The following FADS3 variants were observed in gnomAD, a reference collection of about 807,000 sequenced individuals.
FADS3 encodes the protein cytochrome b5-related protein.
Under a neutral mutation model 60.4 loss-of-function variants are expected in FADS3, and 30 were observed. That is an observed-to-expected ratio of 0.50 (90% CI 0.37 to 0.67). The LOEUF (loss-of-function observed/expected upper bound fraction) is 0.67, where lower values mean the gene tolerates loss of function less well. Among genes scored for constraint, FADS3 ranks in the 30% least tolerant of loss-of-function variants. The pLI is 0.00. For missense variants in FADS3, 432 were observed against 598.3 expected (o/e 0.72, Z 2.90); for synonymous variants, 234 against 249.3 (o/e 0.94, Z 0.58).
chr11:61,876,850 C>T lies in FADS3; in HGVS notation c.983+16G>A. The T allele has an allele frequency of 1.3e-6, 2 of 1,591,896 alleles. No individual in the cohort carries two copies. Among genetic ancestry groups the T allele is most frequent in the Non-Finnish European group, 1.7e-6 (2 of 1,168,668 alleles). The stretch of plus-strand genomic sequence containing the variant: ...CACCTGTCGCCTGTGTGTGACCTCG[C>T]CACTCCCTGCCATACCTGACAGCAA... On this transcript the variant is annotated intron_variant, in intron 8 of 11. Transcript: ENST00000278829. The surrounding 1 kb of genome is among the most constrained non-coding windows in gnomAD (Gnocchi z 5.7).
At chr11:61,883,515 T>C (rs139296683) in intron 1 of FADS3, among the ~76,000 whole-genome samples, 1 of 152,262 alleles carries the variant, frequency 6.6e-6, no homozygotes, top group Non-Finnish European at 1.5e-5. Context: ...CTCAGAAACA[T>C]GCCCACAATC....
At chr11:61,878,478 C>G (rs368573265) in intron 5 of FADS3, 34 bp downstream of exon 5, 4 of 1,606,210 alleles carry the variant, frequency 2.5e-6, no homozygotes, top group Non-Finnish European at 3.4e-6. Flanking sequence ...GCTGCAGGCC[C>G]AGCCAGAGGT....
At chr11:61,891,109 G>A in intron 1 of FADS3, 60 bp downstream of exon 1, 1 of 1,401,074 alleles carries the variant, frequency 7.1e-7, no homozygotes, top group Non-Finnish European at 9.8e-7. Flanking sequence ...GGGACATCAC[G>A]CCCACGACCG....
intron 2 of FADS3, among the ~76,000 whole-genome samples, 180 bp downstream of exon 2, chr11:61,879,861 T>C (rs1272851366): frequency 6.6e-6 from 1 of 152,208 alleles, no homozygotes; most frequent in Non-Finnish European, 1.5e-5. Context: ...TCTCAGGGCA[T>C]CCCTACAGCT....
intron 11 of FADS3, among the ~76,000 whole-genome samples, 166 bp from the exon 12 acceptor site, chr11:61,874,031 AGCTGAAT>A (rs1319434228): frequency 6.6e-6 from 1 of 152,196 alleles, no homozygotes; most frequent in Non-Finnish European, 1.5e-5. Flanking sequence ...TTGGGAGAAC[AGCTGAAT>A]GCTCATTCTC....
chr11:61,883,741 T>G (rs1051892003), intron 1 of FADS3, among the ~76,000 whole-genome samples: 1 of 152,234 alleles, frequency 6.6e-6, no homozygotes, highest in Admixed American at 6.5e-5. Flanking sequence ...CCTCGCCTCC[T>G]TTCCCGTTGG....
intron 1 of FADS3, among the ~76,000 whole-genome samples, chr11:61,884,271 A>G (rs540799258): frequency 3.6e-4 from 55 of 152,262 alleles, no homozygotes; most frequent in Non-Finnish European, 6.2e-4. Context: ...GAACACATGG[A>G]CACAGGGAAG....
At chr11:61,885,325 C>A (rs1482278596) in intron 1 of FADS3, among the ~76,000 whole-genome samples, 2 of 152,224 alleles carry the variant, frequency 1.3e-5, no homozygotes. Context: ...CCACACCCAT[C>A]TCTCATCAGT....
rs1389570571 is a variant in FADS3 at position 61,876,461 on chromosome 11, G to A, written c.984-6C>T. The A allele has an allele frequency of 6.2e-7, 1 of 1,612,526 alleles. No individual in the cohort carries two copies. Among genetic ancestry groups the A allele is most frequent in the Non-Finnish European group, 8.5e-7 (1 of 1,179,402 alleles). On this transcript the variant is annotated splice_region_variant and splice_polypyrimidine_tract_variant and intron_variant, in intron 8 of 11. Coordinates refer to ENST00000278829, the MANE Select transcript of FADS3 (RefSeq NM_021727.5). The surrounding 1 kb of genome is among the most constrained non-coding windows in gnomAD (Gnocchi z 5.7). ...ACCAGTGGCTTTCCAGGACCCTGTG[G>A]GGAGGCTCGGGCACTGCCCTAGGTC...
chr11:61,882,957 T>C (rs1042445453), intron 1 of FADS3, among the ~76,000 whole-genome samples: 4 of 152,186 alleles, frequency 2.6e-5, no homozygotes, highest in Admixed American at 2.6e-4. Context: ...GTTGAACTCC[T>C]GAGCTCAAGC....
rs1220393606 is a variant in FADS3, at chr11:61,873,735, G to T, written c.*79C>A. ...GCACCCCCAGGCTGGCCAGTGGAGG[G>T]GTGAGGGTATCGATCCCGCCGGGGG... On this transcript the variant is annotated 3_prime_UTR_variant, in exon 12 of 12. Coordinates refer to ENST00000278829, the MANE Select transcript of FADS3 (RefSeq NM_021727.5). 6 of 975,720 alleles carry T rather than the reference G, an allele frequency of 6.1e-6. No homozygotes were observed. The highest frequency in any genetic ancestry group is 9.7e-6 in the Non-Finnish European group (6 of 619,986). 60.4% of individuals were successfully genotyped at this position (975,720 alleles called of 1,614,324 possible).
In FADS3 at chr11:61,876,511, G is replaced by A; in HGVS notation, c.984-56C>T. 1 of 1,425,342 alleles carries A rather than the reference G, an allele frequency of 7.0e-7. No individual in the cohort carries two copies. Among genetic ancestry groups the A allele is most frequent in the South Asian group, 1.1e-5 (1 of 87,366 alleles). 88.3% of individuals were successfully genotyped at this position (1,425,342 alleles called of 1,614,324 possible). On this transcript the variant is annotated intron_variant, in intron 8 of 11. Coordinates refer to ENST00000278829, the MANE Select transcript of FADS3 (RefSeq NM_021727.5). The surrounding 1 kb of genome is among the most constrained non-coding windows in gnomAD (Gnocchi z 5.7). ...CCAGCTCACCACTTAGGCACCCTGA[G>A]TGGAGGCTGGAGAGCAGCTGTCCCC... is the stretch of plus-strand genomic sequence containing the variant.
Position 61,876,628 on chromosome 11 carries a change from G to C in FADS3, c.984-173C>G. 3.0e-6 allele frequency: 2 copies of C among 666,262 alleles called. No individual in the cohort carries two copies. The highest frequency in any genetic ancestry group is 5.3e-6 in the Non-Finnish European group (2 of 375,652). The allele number at this position is 666,262 out of a possible 1,614,324, so 41.3% of individuals were successfully genotyped here. ...GAATCTGAATGGAGCAGTGTCCACT[G>C]TGAGGCTGAGTCCAGAGCAGCTCCG... On this transcript the variant is annotated intron_variant, in intron 8 of 11. Coordinates refer to ENST00000278829, the MANE Select transcript of FADS3 (RefSeq NM_021727.5). This position sits in a 1 kb window ranked among gnomAD's most constrained non-coding sequence, Gnocchi z 5.7.
In FADS3 at chr11:61,877,345, T is replaced by G. The variant is rs1338099508; in HGVS notation, c.885+166A>C. The G allele has an allele frequency of 5.0e-5, 19 of 383,064 alleles. No individual in the cohort carries two copies. In the East Asian group the frequency reaches 1.2e-3, roughly 24 times the overall value. 23.7% of individuals were successfully genotyped at this position (383,064 alleles called of 1,614,324 possible). On this transcript the variant is annotated intron_variant, in intron 7 of 11. Transcript: ENST00000278829. This position sits in a 1 kb window ranked among gnomAD's most constrained non-coding sequence, Gnocchi z 4.7. ...ACAGTCACGGGCACACTCGCTCTCC[T>G]GCTGCGCGCACACATGTGAGCCACA...
rs1938344129 is a variant in FADS3 at position 61,887,106 on chromosome 11, C to T, written c.213+4063G>A. On this transcript the variant is annotated intron_variant, in intron 1 of 11. Coordinates refer to ENST00000278829, the MANE Select transcript of FADS3 (RefSeq NM_021727.5). ...AGGCACCCAGGTGCCCAGCACCACC[C>T]TCATAGTGTGCCCAGGACAAAAGCA... Among the ~76,000 whole-genome samples the T allele has an allele frequency of 2.0e-5, 3 of 152,388 alleles. No homozygotes were observed. In the South Asian group the frequency reaches 6.2e-4, roughly 32 times the overall value.
chr11:61,880,088 T>C lies in FADS3; in HGVS notation c.277A>G (p.Ile93Val). 4.3e-6 allele frequency: 7 copies of C among 1,613,984 alleles called. No homozygotes were observed. The highest frequency in any genetic ancestry group is 5.1e-6 in the Non-Finnish European group (6 of 1,179,928). ...FVRKFLQPLLIGELAPEEPSQ... is the reference protein window; with the variant it reads ...FVRKFLQPLLVGELAPEEPSQ... ...GGTTCTTCCGGAGCCAGCTCTCCAATCAACAGGGGCTGTAGGAACTTGCGC... is the reference window on the plus strand; with the variant it reads ...GGTTCTTCCGGAGCCAGCTCTCCAACCAACAGGGGCTGTAGGAACTTGCGC... Residue 93 changes from isoleucine (I) to valine (V), a missense_variant, in exon 2 of 12, where the codon ATT (isoleucine) becomes GTT (valine). Around this residue, in one of 5 missense-constraint regions of FADS3, gnomAD observed 167 missense variants for 188.8 expected, o/e 0.88. Coordinates refer to ENST00000278829, the MANE Select transcript of FADS3 (RefSeq NM_021727.5).
At chr11:61,886,441 C>G (rs1347644501) in intron 1 of FADS3, 1 of 152,274 alleles carries the variant, frequency 6.6e-6, no homozygotes, top group Non-Finnish European at 1.5e-5. Flanking sequence ...CAGAAAACGC[C>G]TGCGGGGAGC....
intron 11 of FADS3, 94 bp downstream of exon 11, chr11:61,875,757 G>A: frequency 6.8e-7 from 1 of 1,477,674 alleles, no homozygotes. Flanking sequence ...AAGGCTCAGG[G>A]ACCCTGGGGG....
rs1316497128 is a variant in FADS3, at chr11:61,877,406, C to T, written c.885+105G>A. The T allele has an allele frequency of 1.3e-5, 13 of 1,038,252 alleles. No individual in the cohort carries two copies. Among genetic ancestry groups the T allele is most frequent in the African/African-American group, 6.3e-5 (4 of 63,890 alleles). The allele number at this position is 1,038,252 out of a possible 1,614,324, so 64.3% of individuals were successfully genotyped here. A position where few individuals can be genotyped will look rare whatever the true frequency, so the allele number is the denominator to read the frequency against. ...CATACATGTGAGCCACACTGTTGCA[C>T]GCACATGTGCACCCTGTTTGCCTTC... is the stretch of plus-strand genomic sequence containing the variant. On this transcript the variant is annotated intron_variant, in intron 7 of 11. Coordinates refer to ENST00000278829, the MANE Select transcript of FADS3 (RefSeq NM_021727.5). This position sits in a 1 kb window ranked among gnomAD's most constrained non-coding sequence, Gnocchi z 4.7.
Sources: allele counts gnomAD v4.1 joint callset (sites outside exome capture counted in the v4.1 genomes callset), GRCh38; gene constraint gnomAD v4.1.1; regional missense constraint gnomAD v4.1.1; non-coding constraint Gnocchi (gnomAD v3.1); transcripts MANE v1.5; gene names NCBI Gene and HGNC (gene_info 2026-07-23, HGNC 2026-07-21).